The following ANK2 variants were observed in gnomAD, a reference collection of about 807,000 sequenced individuals.
The protein encoded by ANK2 is ankyrin-2.
In ANK2, 83 loss-of-function variants were observed where a neutral mutation model predicts 360.5. That is an observed-to-expected ratio of 0.23 (90% CI 0.19 to 0.28). The LOEUF (loss-of-function observed/expected upper bound fraction) is 0.28, where lower values mean the gene tolerates loss of function less well. Ranked by LOEUF, ANK2 falls within the 10% of genes least tolerant of loss-of-function variation. ANK2 has a pLI of 1.00. For missense variants in ANK2, 4,201 were observed against 4,795.7 expected, an observed-to-expected ratio of 0.88 and a Z score of 3.66; for synonymous variants, 1,740 against 1,759.5, an observed-to-expected ratio of 0.99 and a Z score of 0.28.
chr4:113,115,554 AT>A (rs1281561652), intron 1 of ANK2, among the ~76,000 whole-genome samples: 1 of 152,102 alleles, frequency 6.6e-6, no homozygotes, highest in Non-Finnish European at 1.5e-5. Flanking sequence ...TGTGGAATGC[AT>A]TTTGCTTGCT....
chr4:113,362,511 C>A (rs1589127786), intron 39 of ANK2, among the ~76,000 whole-genome samples: 1 of 152,156 alleles, frequency 6.6e-6, no homozygotes, highest in Non-Finnish European at 1.5e-5. Flanking sequence ...GTGGCACAAT[C>A]ATAGCTCACT....
Position 113,049,763 on chromosome 4 carries a change from G to T in ANK2, c.35G>T (p.Ser12Ile), listed in dbSNP as rs1428896596. The change falls in exon 1 of 46, where the codon AGT becomes ATT. Residue 12 changes from serine (S) to isoleucine (I), a missense_variant. Ser to Ile is a moderately radical substitution (Grantham distance 142). This residue lies in a region of ANK2 where 169 missense variants were observed against 191.1 expected (regional missense o/e 0.88). Transcript: ENST00000357077. ...GAAGATGCAGCTCAGAAAAGCGACA[G>T]TGGAGAGAAGTTCAACGGCAGTAGT... The part of the protein sequence containing the change: ...MNEDAAQKSD[S>I]GEKFNGSSQR... 6.8e-6 allele frequency: 11 copies of T among 1,613,720 alleles called. No homozygotes were observed. The highest frequency in any genetic ancestry group is 9.3e-6 in the Non-Finnish European group (11 of 1,179,838).
In ANK2 at chr4:113,383,102, T is replaced by C. The variant is rs1406495760; in HGVS notation, c.*1631T>C. On this transcript the variant is annotated 3_prime_UTR_variant, in exon 46 of 46. Coordinates refer to ENST00000357077, the MANE Select transcript of ANK2 (RefSeq NM_001148.6). ...AAGTATATTCAATGAAGATGAAATT[T>C]AAATAAAAAAGGACAGAGTCTATCC... is the stretch of plus-strand genomic sequence containing the variant. 6.6e-6 allele frequency: 1 copy of C among 152,668 alleles called. No individual in the cohort carries two copies. Among genetic ancestry groups the C allele is most frequent in the Non-Finnish European group, 1.5e-5 (1 of 68,034 alleles). The allele number at this position is 152,668 out of a possible 1,614,324, so 9.5% of individuals were successfully genotyped here.
At chr4:113,264,666 G>T (rs370505223) in intron 13 of ANK2, among the ~76,000 whole-genome samples, 1 of 150,832 alleles carries the variant, frequency 6.6e-6, no homozygotes, top group African/African-American at 2.4e-5. Flanking sequence ...AGGTTGTGGT[G>T]AGCCGAGATG....
chr4:113,178,523 G>A (rs1217090101), intron 2 of ANK2, among the ~76,000 whole-genome samples: 1 of 146,968 alleles, frequency 6.8e-6, no homozygotes, highest in African/African-American at 2.5e-5. Context: ...AGTGAGCCAA[G>A]ATTGCGCCAC....
At chr4:112,985,264 T>TGGA (rs2044454077) in intron 2 of ANK2, among the ~76,000 whole-genome samples, 2 of 152,158 alleles carry the variant, frequency 1.3e-5, no homozygotes, top group Non-Finnish European at 2.9e-5. Context: ...TCAGCAAACT[T>TGGA]GTCGTGTTTG....
At chr4:112,736,135 A>T in the ANK2 span, among the ~76,000 whole-genome samples, 3 of 152,112 alleles carry the variant, frequency 2.0e-5, no homozygotes, top group African/African-American at 4.8e-5. Context: ...TAATAACCTA[A>T]TAGCTGCTAA....
At chr4:113,360,786 G>A (rs754198808) in intron 38 of ANK2, 37 bp from the exon 39 acceptor site, 17 of 1,594,010 alleles carry the variant, frequency 1.1e-5, no homozygotes, top group South Asian at 7.9e-5. Context: ...TCCTGTCATA[G>A]ACAACCTTTG....
At chr4:112,926,743 G>A (rs1297367464) in intron 2 of ANK2, among the ~76,000 whole-genome samples, 2 of 152,182 alleles carry the variant, frequency 1.3e-5, no homozygotes, top group Admixed American at 6.5e-5. Context: ...CTAGAGAAAA[G>A]TAATCCCAAA....
chr4:112,935,676 T>C (rs758510107), intron 2 of ANK2, among the ~76,000 whole-genome samples: 3 of 151,996 alleles, frequency 2.0e-5, no homozygotes, highest in African/African-American at 7.2e-5. Flanking sequence ...ACCCCGTCTT[T>C]ATAAAAAATA....
chr4:113,237,112 C>T lies in ANK2; in HGVS notation c.609C>T (p.Asp203=), dbSNP rs946382221. The stretch of plus-strand genomic sequence containing the variant: ...CTCTGCATATTGCCGCTAGGAAAGA[C>T]GACACCAAATCTGCCGCACTTCTGC... ...LPALHIAARK[D]DTKSAALLLQ... is the part of the protein sequence containing the mutation. The change falls in exon 6 of 46, where the codon GAC becomes GAT. Residue 203 remains aspartate (D), a synonymous_variant. Coordinates refer to ENST00000357077, the MANE Select transcript of ANK2 (RefSeq NM_001148.6). 3.5e-5 allele frequency: 57 copies of T among 1,613,970 alleles called. No individual in the cohort carries two copies. In the Admixed American group the frequency reaches 3.7e-4, roughly 10 times the overall value.
the ANK2 span, among the ~76,000 whole-genome samples, chr4:112,763,850 G>T: frequency 6.6e-6 from 1 of 152,164 alleles, no homozygotes; most frequent in South Asian, 2.1e-4. Flanking sequence ...CTTATTTGGG[G>T]AATGGTACCT....
intron 23 of ANK2, among the ~76,000 whole-genome samples, chr4:113,304,558 AT>A (rs1171287710): frequency 6.6e-6 from 1 of 152,166 alleles, no homozygotes; most frequent in African/African-American, 2.4e-5. Context: ...TTATATAAAT[AT>A]TTTTCCACAA....
Position 113,354,914 on chromosome 4 carries a change from T to C in ANK2, c.6296T>C (p.Val2099Ala). The C allele has an allele frequency of 6.2e-7, 1 of 1,614,004 alleles. No individual in the cohort carries two copies. Among genetic ancestry groups the C allele is most frequent in the Non-Finnish European group, 8.5e-7 (1 of 1,179,980 alleles). Residue 2099 changes from valine to alanine, a missense_variant, in exon 38 of 46, where the codon GTG (valine) becomes GCG (alanine). Physicochemically the swap from Val to Ala is moderately conservative, Grantham distance 64. Transcript: ENST00000357077. ...SHKIPEPVQS[V>A]PEEESHRESE... The stretch of plus-strand genomic sequence containing the variant: ...AAAATACCTGAACCTGTTCAGTCAG[T>C]GCCTGAAGAAGAAAGCCACAGAGAG...
chr4:112,857,770 G>A (rs1157233507), intron 1 of ANK2, among the ~76,000 whole-genome samples: 1 of 152,154 alleles, frequency 6.6e-6, no homozygotes, highest in Non-Finnish European at 1.5e-5. Flanking sequence ...TGGATACTAA[G>A]GGATCCAGTG....
upstream of ANK2, among the ~76,000 whole-genome samples, chr4:112,814,299 G>A (rs990281638): frequency 3.9e-5 from 6 of 152,138 alleles, no homozygotes; most frequent in South Asian, 2.1e-4. Context: ...CTCAGCCAAC[G>A]AGAGAAATAT....
Position 113,258,140 on chromosome 4 carries a change from A to T in ANK2, c.1279A>T (p.Ile427Leu), listed in dbSNP as rs750168379. Residue 427 changes from isoleucine to leucine, a missense_variant, in exon 12 of 46, where the codon ATA (isoleucine) becomes TTA (leucine). Physicochemically the swap from Ile to Leu is conservative, Grantham distance 5. Transcript: ENST00000357077. The stretch of plus-strand genomic sequence containing the variant: ...GAAATATGGGGCTTCAATCCAAGCT[A>T]TAACAGAGGTAGAAAAATGTTTTAG... The part of the protein sequence containing the change: ...LVKYGASIQA[I>L]TESGLTPIHV... 1 of 1,613,256 alleles carries T rather than the reference A, an allele frequency of 6.2e-7. No homozygotes were observed. The highest frequency in any genetic ancestry group is 1.1e-5 in the South Asian group (1 of 91,082).
chr4:113,300,423 G>A (rs1229350907), intron 22 of ANK2, among the ~76,000 whole-genome samples: 1 of 152,084 alleles, frequency 6.6e-6, no homozygotes, highest in African/African-American at 2.4e-5. Flanking sequence ...GTATTAACAA[G>A]TTTTTGATAT....
At chr4:112,751,157 G>A in the ANK2 span, among the ~76,000 whole-genome samples, 1 of 152,000 alleles carries the variant, frequency 6.6e-6, no homozygotes, top group Non-Finnish European at 1.5e-5. Flanking sequence ...ACATGGTATT[G>A]TCTCCAGTCC....
Sources: allele counts gnomAD v4.1 joint callset (sites outside exome capture counted in the v4.1 genomes callset), GRCh38; gene constraint gnomAD v4.1.1; regional missense constraint gnomAD v4.1.1; transcripts MANE v1.5; gene names NCBI Gene and HGNC (gene_info 2026-07-23, HGNC 2026-07-21).